KAZN: variants seen among roughly 807,000 people sequenced by gnomAD.
The protein encoded by KAZN is kazrin, periplakin interacting protein.
In KAZN, 40 loss-of-function variants were observed where a neutral mutation model predicts 87.4. That is an observed-to-expected ratio of 0.46 (90% confidence interval 0.36 to 0.60). The LOEUF (loss-of-function observed/expected upper bound fraction) is 0.60. KAZN is among the 20% of genes least tolerant of loss of function. The pLI, the probability that KAZN is intolerant of heterozygous loss-of-function variation, is 0.00. For missense variants in KAZN, 898 were observed against 1,073.9 expected (o/e 0.84, Z 2.29); for synonymous variants, 466 against 458.3 (o/e 1.02, Z -0.22).
chr1:14,613,520 T>G (rs1462918744), intron 1 of KAZN, among the ~76,000 whole-genome samples: 1 of 152,164 alleles, frequency 6.6e-6, no homozygotes, highest in African/African-American at 2.4e-5. Context: ...AGAAAGAAAA[T>G]TTTGGCTCCT....
At chr1:14,127,565 C>T (rs1453229883) in intron 1 of KAZN, among the ~76,000 whole-genome samples, 1 of 152,144 alleles carries the variant, frequency 6.6e-6, no homozygotes, top group Non-Finnish European at 1.5e-5. Flanking sequence ...TCCTCTATAG[C>T]TGTATGTGCT....
chr1:14,913,174 C>T (rs1283271893), intron 1 of KAZN, among the ~76,000 whole-genome samples: 1 of 152,262 alleles, frequency 6.6e-6, no homozygotes, highest in South Asian at 2.1e-4. Context: ...CTGCCCATGC[C>T]TTGTGTTTCA....
intron 1 of KAZN, among the ~76,000 whole-genome samples, chr1:14,839,321 A>T (rs1647657481): frequency 6.6e-6 from 1 of 152,208 alleles, no homozygotes. Context: ...CTCAATTTCC[A>T]TGAGCTGGGT....
Position 14,297,954 on chromosome 1 carries a change from G to A in KAZN, c.249+117362G>A, listed in dbSNP as rs143491951. Among the ~76,000 whole-genome samples the A allele has an allele frequency of 1.2e-4, 19 of 152,264 alleles. No homozygotes were observed. In the East Asian group the frequency reaches 2.9e-3, roughly 23 times the overall value. ...AAAATTGGTTAAATTGAAGCTGGGC[G>A]CGGTATCACGCCTCTAATCCCAGCA... is the stretch of plus-strand genomic sequence containing the variant. On this transcript the variant is annotated intron_variant, in intron 2 of 16. Transcript: ENST00000636203.
intron 1 of KAZN, among the ~76,000 whole-genome samples, chr1:14,121,894 G>A (rs1644759217): frequency 1.3e-5 from 2 of 152,196 alleles, no homozygotes; most frequent in African/African-American, 4.8e-5. Context: ...CCAGATGCAG[G>A]AAATAGCCAG....
chr1:14,237,387 CA>C (rs1648524232), intron 2 of KAZN, among the ~76,000 whole-genome samples: 1 of 152,138 alleles, frequency 6.6e-6, no homozygotes, highest in African/African-American at 2.4e-5. Context: ...AAACAAATTG[CA>C]AAGAGATCAG....
chr1:14,986,624 G>A (rs768355008), intron 2 of KAZN, among the ~76,000 whole-genome samples: 5 of 152,042 alleles, frequency 3.3e-5, no homozygotes, highest in African/African-American at 9.7e-5. Flanking sequence ...CTAGCATGAC[G>A]CCCCCAACCC....
chr1:14,280,121 G>C (rs111271993), intron 2 of KAZN, among the ~76,000 whole-genome samples: 1 of 152,040 alleles, frequency 6.6e-6, no homozygotes, highest in East Asian at 1.9e-4. Flanking sequence ...CCAGCGCTTC[G>C]GGAGGCTGAG....
rs1231450751 is a variant in KAZN, at chr1:14,676,846, G to A, written c.226+77623G>A. On this transcript the variant is annotated intron_variant, in intron 1 of 14. Coordinates refer to ENST00000376030, the MANE Select transcript of KAZN (RefSeq NM_201628.3). The stretch of plus-strand genomic sequence containing the variant: ...TAATAGGGATAGAGTTTCTTTTGGG[G>A]CTGATGAAAATGTTCTGGAATTATG... Among the ~76,000 whole-genome samples the A allele has an allele frequency of 8.5e-5, 13 of 152,136 alleles. 1 individual carries two copies.
intron 1 of KAZN, among the ~76,000 whole-genome samples, chr1:14,121,347 G>A (rs1360727896): frequency 6.6e-6 from 1 of 152,168 alleles, no homozygotes; most frequent in Non-Finnish European, 1.5e-5. Flanking sequence ...ATACCAACCT[G>A]AAGTGCAAGG....
intron 2 of KAZN, among the ~76,000 whole-genome samples, chr1:14,472,206 C>T (rs770492515): frequency 1.2e-4 from 18 of 152,124 alleles, no homozygotes; most frequent in Non-Finnish European, 1.5e-4. Flanking sequence ...ACCTGTACTA[C>T]GGACACATTG....
At chr1:14,865,851 C>T (rs896576694) in intron 1 of KAZN, among the ~76,000 whole-genome samples, 5 of 152,088 alleles carry the variant, frequency 3.3e-5, no homozygotes, top group Admixed American at 1.3e-4. Context: ...GGGAGGAGGC[C>T]GTGGGACCAC....
intron 2 of KAZN, among the ~76,000 whole-genome samples, chr1:14,418,720 A>C (rs780452652): frequency 1.3e-5 from 2 of 152,256 alleles, no homozygotes; most frequent in African/African-American, 2.4e-5. Context: ...CTATGATCTG[A>C]TCTCTCAAGT....
At chr1:14,768,984 C>A (rs1644953957) in intron 1 of KAZN, among the ~76,000 whole-genome samples, 1 of 152,210 alleles carries the variant, frequency 6.6e-6, no homozygotes, top group African/African-American at 2.4e-5. Flanking sequence ...GCTACCTCTT[C>A]CCTAGAGCAT....
intron 2 of KAZN, among the ~76,000 whole-genome samples, chr1:14,380,905 A>C (rs1482683642): frequency 6.6e-6 from 1 of 152,240 alleles, no homozygotes; most frequent in Non-Finnish European, 1.5e-5. Flanking sequence ...TAACCCAAAG[A>C]AGACTACATC....
At chr1:14,636,384 T>A (rs963511912) in intron 1 of KAZN, among the ~76,000 whole-genome samples, 1 of 152,344 alleles carries the variant, frequency 6.6e-6, no homozygotes, top group Non-Finnish European at 1.5e-5. Context: ...GAGTGTTGTC[T>A]GACCCCCAGC....
At chr1:14,678,057 G>A (rs1315872791) in intron 1 of KAZN, among the ~76,000 whole-genome samples, 1 of 152,164 alleles carries the variant, frequency 6.6e-6, no homozygotes, top group East Asian at 1.9e-4. Flanking sequence ...AGGGGCTCTG[G>A]CACCTCTGAT....
chr1:14,630,408 C>A (rs2148658094), intron 1 of KAZN, among the ~76,000 whole-genome samples: 1 of 152,254 alleles, frequency 6.6e-6, no homozygotes, highest in South Asian at 2.1e-4. Context: ...TGAAGATGGC[C>A]AGGTGAGGTG....
At chr1:14,077,381 A>G (rs1407221660) in intron 1 of KAZN, among the ~76,000 whole-genome samples, 2 of 152,222 alleles carry the variant, frequency 1.3e-5, no homozygotes, top group African/African-American at 4.8e-5. Flanking sequence ...GACTTTGGGA[A>G]GGCAAAGAAG....
Sources: gnomAD v4.1 joint callset for allele counts (sites outside exome capture counted in the v4.1 genomes callset) on GRCh38, gnomAD v4.1.1 for gene constraint, MANE v1.5 for transcripts, NCBI Gene and HGNC (gene_info 2026-07-23, HGNC 2026-07-21) for gene names.